The following ICA1 variants were observed in gnomAD, a reference collection of about 807,000 sequenced individuals.
The protein encoded by ICA1 is 69 kDa islet cell autoantigen.
Under a neutral mutation model 71.0 loss-of-function variants are expected in ICA1, and 40 were observed. The observed-to-expected ratio is 0.56, with a 90% CI of 0.44 to 0.73. ICA1 has a LOEUF of 0.73. Among genes scored for constraint, ICA1 ranks in the 30% least tolerant of loss-of-function variants. The pLI is 0.00. For synonymous variants in ICA1, 207 were observed against 209.5 expected, an observed-to-expected ratio of 0.99 and a Z score of 0.10; for missense variants, 578 against 576.5, an observed-to-expected ratio of 1.00 and a Z score of -0.03.
rs541653433 is a variant in ICA1, at chr7:8,126,292, G to A, written c.1330+1581C>T. ...CACTTGAGGATCTGGGCTCTGCCTCGACTCTCTCAGGGCTTCTTAGCACCT... is the reference window on the plus strand; with the variant it reads ...CACTTGAGGATCTGGGCTCTGCCTCAACTCTCTCAGGGCTTCTTAGCACCT... On this transcript the variant is annotated intron_variant, in intron 13 of 13. Transcript: ENST00000402384. Among the ~76,000 whole-genome samples the A allele has an allele frequency of 3.5e-4, 54 of 152,234 alleles. No individual in the cohort carries two copies. The South Asian group carries it at 9.6e-3, about 27-fold the overall frequency.
intron 1 of ICA1, among the ~76,000 whole-genome samples, chr7:8,254,963 T>A (rs1448450478): frequency 6.6e-6 from 1 of 152,166 alleles, no homozygotes; most frequent in East Asian, 1.9e-4. Flanking sequence ...GCCTTGGCAC[T>A]GCGCTGGGCA....
chr7:8,147,595 G>A (rs1233345817), intron 8 of ICA1, among the ~76,000 whole-genome samples: 1 of 149,716 alleles, frequency 6.7e-6, no homozygotes, highest in Non-Finnish European at 1.5e-5. Context: ...AGGCTCAGGG[G>A]AGTAATTTGA....
intron 8 of ICA1, among the ~76,000 whole-genome samples, chr7:8,150,686 C>G (rs1176052585): frequency 2.0e-5 from 3 of 152,226 alleles, no homozygotes; most frequent in African/African-American, 7.2e-5. Context: ...ATCCCAAACT[C>G]TAAAAGAAGA....
chr7:8,179,956 A>C (rs1429666845), intron 6 of ICA1, among the ~76,000 whole-genome samples: 9 of 152,064 alleles, frequency 5.9e-5, no homozygotes, highest in Admixed American at 5.9e-4. Context: ...TTTTTCATGT[A>C]AGCTCTACGA....
At chr7:8,156,762 C>T (rs1801660411) in intron 8 of ICA1, 38 of 1,391,998 alleles carry the variant, frequency 2.7e-5, no homozygotes, top group Non-Finnish European at 3.4e-5. Flanking sequence ...GGGACTTGTA[C>T]AATCTCCCCT....
intron 6 of ICA1, among the ~76,000 whole-genome samples, chr7:8,184,942 C>T (rs960778777): frequency 6.6e-6 from 1 of 151,964 alleles, no homozygotes; most frequent in Non-Finnish European, 1.5e-5. Flanking sequence ...GGCTTGGTGG[C>T]GTGCGCCTAT....
chr7:8,203,859 A>G (rs888897532), intron 6 of ICA1, among the ~76,000 whole-genome samples: 2 of 151,988 alleles, frequency 1.3e-5, no homozygotes, highest in Admixed American at 6.6e-5. Flanking sequence ...TGTGATGTCT[A>G]CTTTCCAACC....
intron 6 of ICA1, among the ~76,000 whole-genome samples, chr7:8,210,448 A>C (rs377274444): frequency 1.3e-5 from 2 of 152,254 alleles, no homozygotes; most frequent in Non-Finnish European, 2.9e-5. Context: ...GTATTTATTT[A>C]AACTTAAATA....
chr7:8,181,085 T>G (rs7803043), intron 6 of ICA1, among the ~76,000 whole-genome samples: 65,304 of 151,946 alleles, frequency 0.43, 15,913 homozygotes, highest in African/African-American at 0.68. Flanking sequence ...TACCTATGTT[T>G]TGTTTTAAAA....
intron 6 of ICA1, among the ~76,000 whole-genome samples, chr7:8,198,276 A>G (rs6963402): frequency 0.99 from 150,650 of 152,368 alleles, 74,482 homozygotes; most frequent in Middle Eastern, 1. Context: ...ACCTGCTGAG[A>G]TGGTATCAAC....
chr7:8,218,776 G>A, intron 5 of ICA1: 1 of 474,854 alleles, frequency 2.1e-6, no homozygotes, highest in Non-Finnish European at 3.9e-6. Context: ...GTGGTCTTGA[G>A]CCTGGGCTGA....
intron 6 of ICA1, among the ~76,000 whole-genome samples, chr7:8,216,252 G>A (rs1583349526): frequency 6.6e-6 from 1 of 152,142 alleles, no homozygotes; most frequent in South Asian, 2.1e-4. Context: ...TGGCCCTGGG[G>A]TGATGGCTGT....
At chr7:8,184,346 T>C (rs1252807437) in intron 6 of ICA1, among the ~76,000 whole-genome samples, 1 of 152,222 alleles carries the variant, frequency 6.6e-6, no homozygotes, top group Non-Finnish European at 1.5e-5. Context: ...AGGAAGGGCA[T>C]GCACACTGCC....
intron 13 of ICA1, among the ~76,000 whole-genome samples, chr7:8,119,956 C>T (rs568671372): frequency 1.3e-5 from 2 of 152,298 alleles, no homozygotes; most frequent in African/African-American, 4.8e-5. Context: ...ATATCTTCTA[C>T]TTGAATTCCT....
rs565632975 is a variant in ICA1 at position 8,251,462 on chromosome 7, G to C, written c.-80+10632C>G. Among the ~76,000 whole-genome samples, 29 of 146,734 alleles carry C rather than the reference G, an allele frequency of 2.0e-4. No homozygotes were observed. In the South Asian group the frequency reaches 6.4e-3, roughly 32 times the overall value. On this transcript the variant is annotated intron_variant, in intron 1 of 13. Transcript: ENST00000402384. Reference sequence around the variant, plus strand: ...AGTAGACTAGGCAAGTGGCCATCTAGGATGCCCCCAGTCACAAAAATAAAA... The same window carrying C: ...AGTAGACTAGGCAAGTGGCCATCTACGATGCCCCCAGTCACAAAAATAAAA...
In ICA1 at chr7:8,133,846, C is replaced by CCT. The variant is rs1792357761; in HGVS notation, c.1060+4993_1060+4994insAG. Among the ~76,000 whole-genome samples, 3 of 118,878 alleles carry CCT rather than the reference C, an allele frequency of 2.5e-5. No individual in the cohort carries two copies. The East Asian group carries it at 7.4e-4, about 29-fold the overall frequency. 78.0% of individuals were successfully genotyped at this position (118,878 alleles called of 152,430 possible). A position where few individuals can be genotyped will look rare whatever the true frequency, so the allele number is the denominator to read the frequency against. On this transcript the variant is annotated intron_variant, in intron 12 of 13. Coordinates refer to ENST00000402384, the MANE Select transcript of ICA1 (RefSeq NM_001136020.3). Reference sequence around the variant, plus strand: ...ATTTGTCCCAGTGAGAAAAATCATACTTTTTTTTTTTTTTTTTTTTGCAAC... The same window carrying CCT: ...ATTTGTCCCAGTGAGAAAAATCATACCTTTTTTTTTTTTTTTTTTTTTGCAAC...
At chr7:8,216,166 G>C (rs1467356087) in intron 6 of ICA1, among the ~76,000 whole-genome samples, 1 of 152,218 alleles carries the variant, frequency 6.6e-6, no homozygotes, top group Non-Finnish European at 1.5e-5. Flanking sequence ...GAAAACATGG[G>C]TGTGGCACTT....
At chr7:8,224,486 A>G (rs1419991152) in intron 4 of ICA1, among the ~76,000 whole-genome samples, 1 of 152,226 alleles carries the variant, frequency 6.6e-6, no homozygotes, top group Non-Finnish European at 1.5e-5. Flanking sequence ...TGAAATAATG[A>G]TAGACTTACA....
At chr7:8,118,519 T>G (rs1785513648) in intron 13 of ICA1, among the ~76,000 whole-genome samples, 2 of 152,210 alleles carry the variant, frequency 1.3e-5, no homozygotes, top group Admixed American at 1.3e-4. Flanking sequence ...ACGATTTTTT[T>G]TAATGACCAG....
Sources: allele counts gnomAD v4.1 joint callset (sites outside exome capture counted in the v4.1 genomes callset), GRCh38; gene constraint gnomAD v4.1.1; transcripts MANE v1.5; gene names NCBI Gene and HGNC (gene_info 2026-07-23, HGNC 2026-07-21).